The following ATP10A variants were observed in gnomAD, a reference collection of about 807,000 sequenced individuals.
ATP10A encodes the protein ATPase phospholipid transporting 10A (putative).
In ATP10A, 111 loss-of-function variants were observed where a neutral mutation model predicts 147.8. The observed-to-expected ratio is 0.75, with a 90% CI of 0.64 to 0.88. The LOEUF (loss-of-function observed/expected upper bound fraction) is 0.88. Ranked by LOEUF, ATP10A falls within the 40% of genes least tolerant of loss-of-function variation. ATP10A has a pLI of 0.00. For synonymous variants in ATP10A, 875 were observed against 841.6 expected (o/e 1.04, Z -0.69); for missense variants, 1,927 against 1,959.0 (o/e 0.98, Z 0.31).
At chr15:25,700,668 A>G (rs553589193) in intron 13 of ATP10A, among the ~76,000 whole-genome samples, 1 of 152,286 alleles carries the variant, frequency 6.6e-6, no homozygotes, top group Non-Finnish European at 1.5e-5. Context: ...TCCAGAGGTT[A>G]GAAAAGGAGG....
At chr15:25,854,080 T>C (rs1481418654) in intron 1 of ATP10A, among the ~76,000 whole-genome samples, 1 of 152,114 alleles carries the variant, frequency 6.6e-6, no homozygotes, top group African/African-American at 2.4e-5. Flanking sequence ...CATAATAATA[T>C]ATTTTTTAGA....
chr15:25,806,196 C>T lies in ATP10A; in HGVS notation c.450-24973G>A, dbSNP rs139014857. On this transcript the variant is annotated intron_variant, in intron 1 of 20. Transcript: ENST00000555815. ...CCACCTCTCTGCCACCCTGAGGCAG[C>T]AAGATGCCCTCCACTTCCTCCTCAG... Among the ~76,000 whole-genome samples, 63 of 152,290 alleles carry T rather than the reference C, an allele frequency of 4.1e-4. No homozygotes were observed. In the East Asian group the frequency reaches 9.5e-3, roughly 23 times the overall value.
At chr15:25,742,111 C>A (rs1048166606) in intron 2 of ATP10A, among the ~76,000 whole-genome samples, 3 of 152,186 alleles carry the variant, frequency 2.0e-5, no homozygotes, top group African/African-American at 7.2e-5. Flanking sequence ...TTGGCCCAGC[C>A]GCTCATGGCG....
rs11161217 is a variant in ATP10A, at chr15:25,765,726, A to T, written c.654+15293T>A. ...TCTTCCAGCTCTGTGGATTAGACAG[A>T]GGTATTGTATTCATGATCAAGTTCT... On this transcript the variant is annotated intron_variant, in intron 2 of 20. Transcript: ENST00000555815. Among the ~76,000 whole-genome samples the T allele has an allele frequency of 3.2e-4, 49 of 152,052 alleles. No individual in the cohort carries two copies. In the East Asian group the frequency reaches 9.1e-3, roughly 28 times the overall value.
chr15:25,733,875 G>A (rs552120192), intron 3 of ATP10A, among the ~76,000 whole-genome samples: 14 of 152,356 alleles, frequency 9.2e-5, no homozygotes, highest in Non-Finnish European at 1.3e-4. Flanking sequence ...GCAACATGCC[G>A]GTGAGGACAC....
chr15:25,856,753 C>T (rs1893534868), intron 1 of ATP10A, among the ~76,000 whole-genome samples: 1 of 151,762 alleles, frequency 6.6e-6, no homozygotes, highest in Non-Finnish European at 1.5e-5. Context: ...ATGTGGAGAC[C>T]AAAACAACGA....
rs185492462 is a variant in ATP10A at position 25,857,818 on chromosome 15, G to C, written c.449+4830C>G. 5.9e-5 allele frequency among the ~76,000 whole-genome samples: 9 copies of C among 151,960 alleles called. No individual in the cohort carries two copies. The South Asian group carries it at 1.9e-3, about 32-fold the overall frequency. ...CAGGGTAGATCTGGGCTCAAATCAC[G>C]GTACTGCCATCTCCTAACAGTGTGA... On this transcript the variant is annotated intron_variant, in intron 1 of 20. Coordinates refer to ENST00000555815, the MANE Select transcript of ATP10A (RefSeq NM_024490.4).
At chr15:25,772,012 A>C (rs970624208) in intron 2 of ATP10A, among the ~76,000 whole-genome samples, 2 of 152,130 alleles carry the variant, frequency 1.3e-5, no homozygotes. Context: ...TCAGCCTCCC[A>C]AAGTGCTGGG....
intron 1 of ATP10A, among the ~76,000 whole-genome samples, chr15:25,828,345 T>A (rs1892205909): frequency 6.6e-6 from 1 of 152,214 alleles, no homozygotes; most frequent in African/African-American, 2.4e-5. Flanking sequence ...AGAATAAACT[T>A]TCTTCTTAAG....
chr15:25,706,942 G>T (rs1274535161), intron 12 of ATP10A, among the ~76,000 whole-genome samples: 1 of 152,166 alleles, frequency 6.6e-6, no homozygotes, highest in East Asian at 1.9e-4. Context: ...CAGCAGCCCT[G>T]CTTTAGTAAG....
intron 15 of ATP10A, 146 bp from the exon 16 acceptor site, chr15:25,687,974 G>T (rs751865528): frequency 1.9e-6 from 2 of 1,052,186 alleles, no homozygotes; most frequent in South Asian, 1.3e-5. Flanking sequence ...GGTCTCCATC[G>T]CTGTCGTCTC....
chr15:25,694,931 G>T lies in ATP10A; in HGVS notation c.2976C>A (p.Leu992=), dbSNP rs1230425975. The change falls in exon 14 of 21, where the codon CTC becomes CTA. Residue 992 remains leucine, a synonymous_variant. Coordinates refer to ENST00000555815, the MANE Select transcript of ATP10A (RefSeq NM_024490.4). ...ALEKNLEDKF[L]FLAKQCRSVL... ...CGGAGCGGCACTGCTTGGCAAGGAA[G>T]AGGAATTTGTCCTCCAGGTTTTTCT... 1 of 1,614,100 alleles carries T rather than the reference G, an allele frequency of 6.2e-7. No individual in the cohort carries two copies. Among genetic ancestry groups the T allele is most frequent in the Non-Finnish European group, 8.5e-7 (1 of 1,180,060 alleles).
intron 2 of ATP10A, among the ~76,000 whole-genome samples, chr15:25,751,411 T>C (rs558699461): frequency 6.6e-6 from 1 of 152,270 alleles, no homozygotes; most frequent in Admixed American, 6.5e-5. Flanking sequence ...CATCAACCAG[T>C]GTTACCTGTT....
At chr15:25,830,366 C>A (rs953815788) in intron 1 of ATP10A, among the ~76,000 whole-genome samples, 2 of 152,180 alleles carry the variant, frequency 1.3e-5, no homozygotes, top group Non-Finnish European at 2.9e-5. Flanking sequence ...CTGAAACTAG[C>A]GGCCAGCCTG....
At chr15:25,776,666 A>G (rs1016928921) in intron 2 of ATP10A, among the ~76,000 whole-genome samples, 1 of 152,146 alleles carries the variant, frequency 6.6e-6, no homozygotes, top group African/African-American at 2.4e-5. Flanking sequence ...TAGCTGGGTG[A>G]TTTAAGGTCC....
Position 25,716,996 on chromosome 15 carries a change from AG to A in ATP10A, c.1582-73del, listed in dbSNP as rs1432049205. 4.3e-5 allele frequency: 54 copies of A among 1,263,518 alleles called. No individual in the cohort carries two copies. In the Admixed American group the frequency reaches 1.5e-3, roughly 35 times the overall value. 78.3% of individuals were successfully genotyped at this position (1,263,518 alleles called of 1,614,324 possible). A position where few individuals can be genotyped will look rare whatever the true frequency, so the allele number is the denominator to read the frequency against. On this transcript the variant is annotated intron_variant, in intron 8 of 20. Coordinates refer to ENST00000555815, the MANE Select transcript of ATP10A (RefSeq NM_024490.4). ...GAGGATCTTGGGGCGTGACTATTTA[AG>A]GTACTTTGATTTTATTATAAGCTGT...
At position 25,863,004 on chromosome 15, in the gene ATP10A, C is replaced by T; in HGVS notation, c.93G>A (p.Leu31=). 7.2e-7 allele frequency: 1 copy of T among 1,384,590 alleles called. No individual in the cohort carries two copies. The allele number at this position is 1,384,590 out of a possible 1,614,324, so 85.8% of individuals were successfully genotyped here. A position where few individuals can be genotyped will look rare whatever the true frequency, so the allele number is the denominator to read the frequency against. The change falls in exon 1 of 21, where the codon CTG becomes CTA. Residue 31 remains leucine, a synonymous_variant. Transcript: ENST00000555815. ...GGTCCTCGGCGCCCGGGGGCGGCAG[C>T]AGGTTGGAGCGCACCGTGCGCGTCC... ...EGRTRTVRSN[L]LPPPGAEDPA... is the part of the protein sequence containing the mutation.
chr15:25,772,527 G>T (rs1289649362), intron 2 of ATP10A, among the ~76,000 whole-genome samples: 3 of 152,198 alleles, frequency 2.0e-5, no homozygotes, highest in Non-Finnish European at 4.4e-5. Flanking sequence ...AATCCAGAAT[G>T]CTTGATAAAG....
At chr15:25,731,710 C>T (rs937885832) in intron 3 of ATP10A, among the ~76,000 whole-genome samples, 9 of 152,156 alleles carry the variant, frequency 5.9e-5, no homozygotes, top group Non-Finnish European at 2.9e-5. Flanking sequence ...CTGAAGATTT[C>T]GCTAGGGCTT....
Sources: allele counts gnomAD v4.1 joint callset (sites outside exome capture counted in the v4.1 genomes callset), GRCh38; gene constraint gnomAD v4.1.1; transcripts MANE v1.5; gene names NCBI Gene and HGNC (gene_info 2026-07-23, HGNC 2026-07-21).